The following MELK variants were observed in gnomAD, a reference collection of about 807,000 sequenced individuals.
The protein encoded by MELK is pEg3 kinase.
In MELK, 81 loss-of-function variants were observed where a neutral mutation model predicts 85.0. The ratio of observed to expected loss-of-function variants is 0.95; its 90% CI spans 0.80 to 1.15. The LOEUF (loss-of-function observed/expected upper bound fraction) is 1.15, where lower values mean the gene tolerates loss of function less well. MELK is among the 50% of genes most tolerant of loss of function. The probability of loss-of-function intolerance (pLI) is 0.00; values close to 1 mark genes in which losing one functional copy is unlikely to be tolerated. For missense variants in MELK, 754 were observed against 777.5 expected, an observed-to-expected ratio of 0.97 and a Z score of 0.36; for synonymous variants, 252 against 265.0, an observed-to-expected ratio of 0.95 and a Z score of 0.48.
chr9:36,625,316 G>A (rs551027133), intron 8 of MELK, among the ~76,000 whole-genome samples: 80 of 152,238 alleles, frequency 5.3e-4, no homozygotes, highest in Non-Finnish European at 1.0e-3. Context: ...TTGAGACCGG[G>A]CAAATAAGCA....
At chr9:36,617,078 A>G (rs1188728700) in intron 8 of MELK, among the ~76,000 whole-genome samples, 3 of 152,218 alleles carry the variant, frequency 2.0e-5, no homozygotes, top group South Asian at 2.1e-4. Flanking sequence ...ATAAATCTGT[A>G]AGAAAATTTC....
Position 36,674,813 on chromosome 9 carries a change from CTCT to C in MELK, c.1675-16_1675-14del. 6.9e-7 allele frequency: 1 copy of C among 1,453,690 alleles called. No homozygotes were observed. The highest frequency in any genetic ancestry group is 9.6e-7 in the Non-Finnish European group (1 of 1,042,418). 90.0% of individuals were successfully genotyped at this position (1,453,690 alleles called of 1,614,324 possible). A position where few individuals can be genotyped will look rare whatever the true frequency, so the allele number is the denominator to read the frequency against. ...GTTGATGTAAAAATTTACTTCTCAT[CTCT>C]TCTTTTTCTTTTCTTAGCTTCACTA... is the stretch of plus-strand genomic sequence containing the variant. On this transcript the variant is annotated intron_variant, in intron 16 of 17. Transcript: ENST00000298048.
At chr9:36,649,473 C>CGAGACTCTATCTCAAAAAAAGGGA in intron 11 of MELK, among the ~76,000 whole-genome samples, 1 of 151,326 alleles carries the variant, frequency 6.6e-6, no homozygotes, top group Admixed American at 6.6e-5. Flanking sequence ...GGCGACAGAG[C>CGAGACTCTATCTCAAAAAAAGGGA]AAAGTAGAAC....
At chr9:36,600,116 C>T (rs1424871012) in intron 7 of MELK, among the ~76,000 whole-genome samples, 5 of 150,286 alleles carry the variant, frequency 3.3e-5, no homozygotes, top group African/African-American at 7.3e-5. Flanking sequence ...TTTTTTGAGA[C>T]GGAGTCTCAC....
intron 8 of MELK, among the ~76,000 whole-genome samples, chr9:36,620,401 C>A (rs547007556): frequency 1.1e-3 from 160 of 152,300 alleles, no homozygotes; most frequent in African/African-American, 3.7e-3. Context: ...AGGATACTTA[C>A]TGGTCCTTGT....
chr9:36,608,277 C>CACA (rs1825753480), intron 8 of MELK, among the ~76,000 whole-genome samples: 1 of 38,916 alleles, frequency 2.6e-5, no homozygotes, highest in Non-Finnish European at 5.7e-5. Flanking sequence ...GACTCTGTCT[C>CACA]AAAAAAAAAA....
chr9:36,648,473 C>T (rs1212741449), intron 11 of MELK, among the ~76,000 whole-genome samples: 1 of 152,026 alleles, frequency 6.6e-6, no homozygotes, highest in Non-Finnish European at 1.5e-5. Context: ...ATAACAGCCT[C>T]CTCTTCCGCA....
intron 8 of MELK, among the ~76,000 whole-genome samples, chr9:36,611,444 T>G (rs1826043120): frequency 6.6e-6 from 1 of 152,142 alleles, no homozygotes. Context: ...TCTCTCAGGG[T>G]GGGGAAAGTT....
intron 7 of MELK, among the ~76,000 whole-genome samples, chr9:36,604,144 T>C (rs1040543443): frequency 6.6e-6 from 1 of 151,810 alleles, no homozygotes; most frequent in African/African-American, 2.4e-5. Flanking sequence ...AAATTTTGTA[T>C]TTTTAGTAGA....
intron 1 of MELK, among the ~76,000 whole-genome samples, chr9:36,579,175 G>A (rs2134864193): frequency 6.6e-6 from 1 of 152,314 alleles, no homozygotes; most frequent in Admixed American, 6.5e-5. Flanking sequence ...TTAGAGGCAT[G>A]TGGCACCACA....
intron 8 of MELK, among the ~76,000 whole-genome samples, chr9:36,613,793 G>C (rs1274060732): frequency 1.3e-5 from 2 of 152,166 alleles, no homozygotes; most frequent in Non-Finnish European, 2.9e-5. Context: ...GAGGGCCAGT[G>C]CAGCCTGAGT....
intron 8 of MELK, among the ~76,000 whole-genome samples, chr9:36,610,707 C>G (rs1162263638): frequency 6.6e-6 from 1 of 152,214 alleles, no homozygotes; most frequent in Non-Finnish European, 1.5e-5. Context: ...CCATACCTGA[C>G]TGCATCCACA....
chr9:36,594,727 G>C lies in MELK; in HGVS notation c.361G>C (p.Ala121Pro). Reference sequence around the variant, plus strand: ...CTTCCGTCAGATAGTATCTGCTGTTGCTTATGTGCACAGCCAGGGCTATGC... The same window carrying C: ...CTTCCGTCAGATAGTATCTGCTGTTCCTTATGTGCACAGCCAGGGCTATGC... ...VVFRQIVSAV[A>P]YVHSQGYAHR... Residue 121 changes from alanine (A) to proline (P), a missense_variant, in exon 5 of 18, where the codon GCT becomes CCT. By Grantham distance (27) the Ala-to-Pro change is conservative. Coordinates refer to ENST00000298048, the MANE Select transcript of MELK (RefSeq NM_014791.4). 6.2e-7 allele frequency: 1 copy of C among 1,614,036 alleles called. No individual in the cohort carries two copies. The highest frequency in any genetic ancestry group is 8.5e-7 in the Non-Finnish European group (1 of 1,179,996).
chr9:36,622,327 T>C (rs2136249939), intron 8 of MELK, among the ~76,000 whole-genome samples: 1 of 152,368 alleles, frequency 6.6e-6, no homozygotes, highest in Admixed American at 6.5e-5. Flanking sequence ...GCATGCAGTA[T>C]GTATCTTTGC....
chr9:36,613,230 T>C (rs1826223988), intron 8 of MELK, among the ~76,000 whole-genome samples: 1 of 152,258 alleles, frequency 6.6e-6, no homozygotes, highest in South Asian at 2.1e-4. Context: ...CTTTGTTCCC[T>C]CCCTTCTTTC....
At chr9:36,651,392 G>T (rs1157613995) in intron 11 of MELK, among the ~76,000 whole-genome samples, 6 of 152,136 alleles carry the variant, frequency 3.9e-5, no homozygotes, top group African/African-American at 1.4e-4. Flanking sequence ...GAGATGTGTG[G>T]GAAAGGGAGG....
At chr9:36,599,132 C>T (rs1404960082) in intron 6 of MELK, among the ~76,000 whole-genome samples, 1 of 151,892 alleles carries the variant, frequency 6.6e-6, no homozygotes, top group Non-Finnish European at 1.5e-5. Context: ...CCCGTCTATA[C>T]CAAAAATACA....
rs551938165 is a variant in MELK at position 36,604,184 on chromosome 9, G to C, written c.568-3391G>C. 2.0e-5 allele frequency among the ~76,000 whole-genome samples: 3 copies of C among 150,546 alleles called. No homozygotes were observed. In the East Asian group the frequency reaches 5.9e-4, roughly 30 times the overall value. On this transcript the variant is annotated intron_variant, in intron 7 of 17. Transcript: ENST00000298048. ...GGGTTTCTCCATGTTGGTCAGGCTGGTCTTGAACTCCCAACCTCAGGTGAT... is the reference window on the plus strand; with the variant it reads ...GGGTTTCTCCATGTTGGTCAGGCTGCTCTTGAACTCCCAACCTCAGGTGAT...
intron 6 of MELK, among the ~76,000 whole-genome samples, chr9:36,598,404 A>G (rs1178001722): frequency 1.3e-5 from 2 of 152,096 alleles, no homozygotes; most frequent in East Asian, 3.9e-4. Context: ...TCCAAGGAGC[A>G]CACTCCTGGG....
Sources: gnomAD v4.1 joint callset for allele counts (sites outside exome capture counted in the v4.1 genomes callset) on GRCh38, gnomAD v4.1.1 for gene constraint, MANE v1.5 for transcripts, NCBI Gene and HGNC (gene_info 2026-07-23, HGNC 2026-07-21) for gene names.